MPP4: variants seen among roughly 807,000 people sequenced by gnomAD.
MPP4 encodes MAGUK p55 subfamily member 4.
MPP4 carries 91 observed loss-of-function variants against 98.3 expected under a neutral mutation model. The observed-to-expected ratio is 0.93, with a 90% CI of 0.78 to 1.10. The LOEUF is 1.10. Ranked by LOEUF, MPP4 falls within the 50% of genes least tolerant of loss-of-function variation. MPP4 has a pLI of 0.00. For missense variants in MPP4, 744 were observed against 792.9 expected, an observed-to-expected ratio of 0.94 and a Z score of 0.74; for synonymous variants, 261 against 271.8, an observed-to-expected ratio of 0.96 and a Z score of 0.39.
chr2:201,653,613 A>T (rs1005068869), intron 18 of MPP4, among the ~76,000 whole-genome samples: 25 of 152,206 alleles, frequency 1.6e-4, no homozygotes, highest in African/African-American at 5.8e-4. Context: ...ATTATTATAC[A>T]TTATTATAAA....
chr2:201,694,626 T>C (rs1261593536), intron 1 of MPP4, among the ~76,000 whole-genome samples: 1 of 140,560 alleles, frequency 7.1e-6, no homozygotes, highest in Non-Finnish European at 1.5e-5. Flanking sequence ...TTTTTTTTTT[T>C]TTTTTTTGAG....
chr2:201,670,848 A>T (rs1250167579), intron 11 of MPP4, among the ~76,000 whole-genome samples: 1 of 152,186 alleles, frequency 6.6e-6, no homozygotes, highest in African/African-American at 2.4e-5. Context: ...TGCATTTCCA[A>T]CTAAGGTACC....
intron 4 of MPP4, among the ~76,000 whole-genome samples, chr2:201,689,444 A>G (rs1688939634): frequency 6.6e-6 from 1 of 152,172 alleles, no homozygotes; most frequent in Non-Finnish European, 1.5e-5. Flanking sequence ...CAAAGAGGGT[A>G]TTTTTGGTTG....
At chr2:201,674,987 C>G in intron 11 of MPP4, 1 of 671,884 alleles carries the variant, frequency 1.5e-6, no homozygotes, top group Non-Finnish European at 2.7e-6. Context: ...TCCAACCAAT[C>G]AGTAGCAAGT....
At position 201,657,610 on chromosome 2, in the gene MPP4, T is replaced by G. The variant is rs6435093; in HGVS notation, c.1129+867A>C. Among the ~76,000 whole-genome samples the G allele has an allele frequency of 7.3e-5, 10 of 137,662 alleles. 1 individual carries two copies. The highest frequency in any genetic ancestry group is 6.5e-4 in the East Asian group (3 of 4,598). The allele number at this position is 137,662 out of a possible 152,430, so 90.3% of individuals were successfully genotyped here. On this transcript the variant is annotated intron_variant, in intron 16 of 21. Coordinates refer to ENST00000409474, the MANE Select transcript of MPP4 (RefSeq NM_033066.3). ...CCCTTGTTTTTTTTTTGTTTTTTTG[T>G]TTTTTTTTGCTTATTGTATCAATCA... is the stretch of plus-strand genomic sequence containing the variant.
chr2:201,645,309 G>T lies in MPP4; in HGVS notation c.1815C>A (p.His605Gln), dbSNP rs554397809. Residue 605 changes from histidine to glutamine, a missense_variant, in exon 22 of 22, where the codon CAC becomes CAA. Physicochemically the swap from His to Gln is conservative, Grantham distance 24 (BLOSUM62 0). Coordinates refer to ENST00000409474, the MANE Select transcript of MPP4 (RefSeq NM_033066.3). ...FDHVIVNDSL[H>Q]DACAQLLSAI... is the part of the protein sequence containing the mutation. ...CAGACAACAACTGGGCACATGCATCGTGCAAGCTGTCATTCACAATCACAT... is the reference window on the plus strand; with the variant it reads ...CAGACAACAACTGGGCACATGCATCTTGCAAGCTGTCATTCACAATCACAT... The T allele has an allele frequency of 6.2e-7, 1 of 1,613,866 alleles. No homozygotes were observed. Among genetic ancestry groups the T allele is most frequent in the Non-Finnish European group, 8.5e-7 (1 of 1,179,886 alleles).
chr2:201,684,961 G>GAAA, intron 7 of MPP4, 103 bp downstream of exon 7: 1 of 658,362 alleles, frequency 1.5e-6, no homozygotes, highest in East Asian at 4.3e-5. Context: ...AAAAAAAAAA[G>GAAA]AAAAAAAAAA....
intron 10 of MPP4, among the ~76,000 whole-genome samples, chr2:201,677,313 A>T (rs1688532590): frequency 6.6e-6 from 1 of 152,160 alleles, no homozygotes; most frequent in South Asian, 2.1e-4. Flanking sequence ...CTCTCACTGG[A>T]AAGTCACGTC....
intron 14 of MPP4, among the ~76,000 whole-genome samples, chr2:201,662,266 A>G (rs1237302604): frequency 1.3e-5 from 2 of 149,868 alleles, no homozygotes; most frequent in Admixed American, 6.7e-5. Flanking sequence ...AAGTATATAT[A>G]TACAAGGCAG....
rs1380457292 is a variant in MPP4, at chr2:201,656,384, G to A, written c.1130-16C>T. On this transcript the variant is annotated splice_polypyrimidine_tract_variant and intron_variant, in intron 16 of 21. Transcript: ENST00000409474. The stretch of plus-strand genomic sequence containing the variant: ...CGGAAGCCAGCTAGGGAGGGGAAGT[G>A]CACAGAACGTAAGAACCAGGCAGGA... 4 of 1,543,478 alleles carry A rather than the reference G, an allele frequency of 2.6e-6. No homozygotes were observed. In the Admixed American group the frequency reaches 5.9e-5, roughly 23 times the overall value.
Position 201,682,888 on chromosome 2 carries a change from T to C in MPP4, c.603A>G (p.Val201=), listed in dbSNP as rs57807292. The C allele has an allele frequency of 8.4e-4, 1,355 of 1,613,964 alleles. 12 individuals are homozygous for C. In the African/African-American group the frequency reaches 0.016, roughly 19 times the overall value. ...CCTCAACTGAAACTCCATTCACTTC[T>C]ACCAGTTTGTCTCCAGCATATAGCA... is the stretch of plus-strand genomic sequence containing the variant. ...SGLLYAGDKL[V]EVNGVSVEGL... is the part of the protein sequence containing the mutation. The change falls in exon 8 of 22, where the codon GTA becomes GTG. Residue 201 remains valine, a synonymous_variant. Transcript: ENST00000409474.
intron 14 of MPP4, among the ~76,000 whole-genome samples, chr2:201,662,248 T>A (rs1688049456): frequency 6.7e-6 from 1 of 149,768 alleles, no homozygotes; most frequent in Admixed American, 6.7e-5. Flanking sequence ...AATATATATA[T>A]ATTTTAAAAG....
intron 8 of MPP4, 86 bp from the exon 9 acceptor site, chr2:201,681,653 A>T: frequency 2.1e-6 from 2 of 958,264 alleles, no homozygotes; most frequent in Non-Finnish European, 3.3e-6. Flanking sequence ...AGTGCAATGT[A>T]TCCAGGTCTC....
rs1688375399 is a variant in MPP4, at chr2:201,672,603, A to T, written c.994+2604T>A. Reference sequence around the variant, plus strand: ...TGATCCCACAGAAATACAAACTACCATCAAGGAATACTATAAACACCTCTA... The same window carrying T: ...TGATCCCACAGAAATACAAACTACCTTCAAGGAATACTATAAACACCTCTA... On this transcript the variant is annotated intron_variant, in intron 11 of 21. Coordinates refer to ENST00000409474, the MANE Select transcript of MPP4 (RefSeq NM_033066.3). Among the ~76,000 whole-genome samples the T allele has an allele frequency of 2.0e-5, 3 of 152,230 alleles. No homozygotes were observed. In the South Asian group the frequency reaches 6.2e-4, roughly 31 times the overall value.
At chr2:201,648,771 A>G (rs759989772) in intron 20 of MPP4, among the ~76,000 whole-genome samples, 3 of 152,206 alleles carry the variant, frequency 2.0e-5, no homozygotes, top group Non-Finnish European at 4.4e-5. Flanking sequence ...TGACTAAGAA[A>G]ACATGGCTGG....
chr2:201,660,642 G>C (rs1687998887), intron 14 of MPP4, among the ~76,000 whole-genome samples: 1 of 152,062 alleles, frequency 6.6e-6, no homozygotes. Flanking sequence ...ACAAAATAGG[G>C]CTTCAAAGGG....
At chr2:201,685,837 C>A in intron 6 of MPP4, 82 bp downstream of exon 6, 2 of 1,522,812 alleles carry the variant, frequency 1.3e-6, no homozygotes, top group South Asian at 1.2e-5. Flanking sequence ...AAGGCTACTG[C>A]CCAAGTAACC....
At chr2:201,657,393 A>G (rs573507276) in intron 16 of MPP4, among the ~76,000 whole-genome samples, 98 of 152,232 alleles carry the variant, frequency 6.4e-4, no homozygotes, top group African/African-American at 2.1e-3. Context: ...AGGTGCTCTC[A>G]GTAGACAGAG....
rs372865997 is a variant in MPP4 at position 201,646,543 on chromosome 2, A to G, written c.1720-1139T>C. 2.6e-5 allele frequency among the ~76,000 whole-genome samples: 4 copies of G among 152,210 alleles called. No homozygotes were observed. The East Asian group carries it at 7.7e-4, about 29-fold the overall frequency. On this transcript the variant is annotated intron_variant, in intron 21 of 21. Transcript: ENST00000409474. ...CATATGATCCAGAAACAATTTTGTTAATTTGTTTAGACTGCCATAAAAATG... is the reference window on the plus strand; with the variant it reads ...CATATGATCCAGAAACAATTTTGTTGATTTGTTTAGACTGCCATAAAAATG...
Sources: gnomAD v4.1 joint callset for allele counts (sites outside exome capture counted in the v4.1 genomes callset) on GRCh38, gnomAD v4.1.1 for gene constraint, MANE v1.5 for transcripts, NCBI Gene and HGNC (gene_info 2026-07-23, HGNC 2026-07-21) for gene names.